Variants in MTUS1 observed in about 807,000 individuals in gnomAD.
MTUS1 encodes the protein microtubule associated scaffold protein 1.
A neutral mutation model predicts 120.8 loss-of-function variants in MTUS1; 109 were observed. That is an observed-to-expected ratio of 0.90 (90% confidence interval 0.77 to 1.06). MTUS1 has a LOEUF of 1.06. Ranked by LOEUF, MTUS1 falls within the 50% of genes least tolerant of loss-of-function variation. The probability of loss-of-function intolerance (pLI) is 0.00; values close to 1 mark genes in which losing one functional copy is unlikely to be tolerated. For synonymous variants in MTUS1, 737 were observed against 550.5 expected, an observed-to-expected ratio of 1.34 and a Z score of -4.74; for missense variants, 2,210 against 1,486.3, an observed-to-expected ratio of 1.49 and a Z score of -8.01.
chr8:17,675,112 C>T (rs1428619215), intron 8 of MTUS1, 74 bp downstream of exon 8: 6 of 1,601,364 alleles, frequency 3.7e-6, no homozygotes, highest in Non-Finnish European at 5.1e-6. Flanking sequence ...AGCCACAACG[C>T]AGACAGGACA....
chr8:17,712,619 G>T (rs1821548033), intron 6 of MTUS1, among the ~76,000 whole-genome samples: 1 of 152,166 alleles, frequency 6.6e-6, no homozygotes, highest in South Asian at 2.1e-4. Context: ...GATTACAGGT[G>T]TGAGCCACTG....
chr8:17,784,546 C>T (rs949194415), intron 1 of MTUS1, among the ~76,000 whole-genome samples: 18 of 152,056 alleles, frequency 1.2e-4, no homozygotes, highest in African/African-American at 3.9e-4. Context: ...CTGCCTGCCT[C>T]GGCCTCCCAA....
chr8:17,713,195 C>A lies in MTUS1; in HGVS notation c.2623+19G>T. 6.3e-7 allele frequency: 1 copy of A among 1,581,602 alleles called. No individual in the cohort carries two copies. The highest frequency in any genetic ancestry group is 2.2e-5 in the East Asian group (1 of 44,566). The stretch of plus-strand genomic sequence containing the variant: ...ACAAAAAGATTCTTTTTATCGCCAT[C>A]CATAAAGTGGTCACTCACCTGCATT... On this transcript the variant is annotated intron_variant, in intron 6 of 14. Coordinates refer to ENST00000693296, the MANE Select transcript of MTUS1 (RefSeq NM_001363059.2).
chr8:17,680,827 G>GAC (rs1472697971), intron 7 of MTUS1, among the ~76,000 whole-genome samples: 1 of 152,188 alleles, frequency 6.6e-6, no homozygotes, highest in African/African-American at 2.4e-5. Flanking sequence ...GGACTGAGCA[G>GAC]ACACATGAAG....
At chr8:17,746,013 C>T (rs1369823689) in intron 2 of MTUS1, among the ~76,000 whole-genome samples, 1 of 152,202 alleles carries the variant, frequency 6.6e-6, no homozygotes, top group Non-Finnish European at 1.5e-5. Context: ...TCTTCCTCCT[C>T]CTCCAGTCAT....
chr8:17,743,573 C>T, intron 3 of MTUS1, 31 bp downstream of exon 3: 1 of 1,587,242 alleles, frequency 6.3e-7, no homozygotes, highest in East Asian at 2.2e-5. Context: ...ATTCAATTAA[C>T]TCATAAACTA....
intron 8 of MTUS1, among the ~76,000 whole-genome samples, chr8:17,673,006 A>T (rs1225974941): frequency 6.6e-6 from 1 of 152,198 alleles, no homozygotes; most frequent in Non-Finnish European, 1.5e-5. Flanking sequence ...TTGTCTTCGG[A>T]GAGAGGCTGA....
intron 2 of MTUS1, among the ~76,000 whole-genome samples, chr8:17,749,675 A>AAAAG (rs1453543227): frequency 6.6e-6 from 1 of 150,632 alleles, no homozygotes; most frequent in Admixed American, 6.6e-5. Context: ...AAAAAAAAAA[A>AAAAG]AAAGAAAGAA....
At chr8:17,762,913 G>A (rs945388473) in intron 1 of MTUS1, among the ~76,000 whole-genome samples, 5 of 151,924 alleles carry the variant, frequency 3.3e-5, no homozygotes, top group African/African-American at 1.2e-4. Flanking sequence ...ATGCGGCAAA[G>A]AGCTTTGAGA....
chr8:17,746,994 A>G (rs1163857323), intron 2 of MTUS1, among the ~76,000 whole-genome samples: 1 of 152,218 alleles, frequency 6.6e-6, no homozygotes, highest in Non-Finnish European at 1.5e-5. Context: ...TTTCTCAGCA[A>G]GATTACTGAA....
At chr8:17,682,993 C>T (rs1369920040) in intron 7 of MTUS1, among the ~76,000 whole-genome samples, 1 of 152,148 alleles carries the variant, frequency 6.6e-6, no homozygotes, top group East Asian at 1.9e-4. Context: ...ATCATTAAGG[C>T]TGGGCGCAGT....
At chr8:17,756,671 A>ACCCCCCCCCCCCCC (rs1177055386) in intron 1 of MTUS1, among the ~76,000 whole-genome samples, 2 of 117,480 alleles carry the variant, frequency 1.7e-5, no homozygotes, top group South Asian at 3.9e-4. Context: ...TCAAGCCCAA[A>ACCCCCCCCCCCCCC]CCCCCACCCC....
At chr8:17,675,350 G>C in intron 7 of MTUS1, 98 bp from the exon 8 acceptor site, 1 of 1,003,418 alleles carries the variant, frequency 1.0e-6, no homozygotes, top group Non-Finnish European at 1.5e-6. Flanking sequence ...CCCAGTATTG[G>C]GAAGCCAAGA....
Position 17,743,720 on chromosome 8 carries a change from G to C in MTUS1, c.2171C>G (p.Ala724Gly). ...AGGGGGCCCCACTTTGGCTTTTGGA[G>C]CAGCTATTTGCCTCAAACCGCAGGA... is the stretch of plus-strand genomic sequence containing the variant. ...PDSCGLRQIA[A>G]PKAKVGPPVS... The change falls in exon 3 of 15, where the codon GCT (alanine) becomes GGT (glycine). Residue 724 changes from alanine to glycine, a missense_variant. By Grantham distance (60) the Ala-to-Gly change is moderately conservative. Coordinates refer to ENST00000693296, the MANE Select transcript of MTUS1 (RefSeq NM_001363059.2). 1.2e-6 allele frequency: 2 copies of C among 1,614,178 alleles called. No homozygotes were observed. Among genetic ancestry groups the C allele is most frequent in the Non-Finnish European group, 1.7e-6 (2 of 1,180,032 alleles).
intron 2 of MTUS1, among the ~76,000 whole-genome samples, chr8:17,745,224 C>A (rs915754150): frequency 6.6e-6 from 1 of 152,156 alleles, no homozygotes; most frequent in African/African-American, 2.4e-5. Context: ...CCCTCGGTAT[C>A]AAAAATGATT....
intron 3 of MTUS1, among the ~76,000 whole-genome samples, chr8:17,739,748 T>C (rs765847898): frequency 2.6e-5 from 4 of 152,166 alleles, no homozygotes; most frequent in Non-Finnish European, 5.9e-5. Context: ...TTACTAAAAC[T>C]GAGCCTGGAA....
At chr8:17,799,350 G>A (rs768456835) in intron 1 of MTUS1, among the ~76,000 whole-genome samples, 4 of 152,014 alleles carry the variant, frequency 2.6e-5, no homozygotes, top group Non-Finnish European at 4.4e-5. Flanking sequence ...AATTTTTCAT[G>A]ATACATTAAT....
intron 6 of MTUS1, among the ~76,000 whole-genome samples, chr8:17,698,237 G>C (rs940067421): frequency 6.6e-6 from 1 of 152,170 alleles, no homozygotes; most frequent in African/African-American, 2.4e-5. Flanking sequence ...ATGAGTAATT[G>C]CATTTATAGA....
intron 8 of MTUS1, chr8:17,674,517 G>A (rs961925191): frequency 5.1e-6 from 5 of 985,342 alleles, no homozygotes; most frequent in Non-Finnish European, 6.0e-6. Context: ...AGGAGAGAAT[G>A]GAACTAAAAT....
Sources: gnomAD v4.1 joint callset for allele counts (sites outside exome capture counted in the v4.1 genomes callset) on GRCh38, gnomAD v4.1.1 for gene constraint, MANE v1.5 for transcripts, NCBI Gene and HGNC (gene_info 2026-07-23, HGNC 2026-07-21) for gene names.